Variants in ZNF154 observed in about 807,000 individuals in gnomAD.
ZNF154 encodes zinc finger protein 154.
Under a neutral mutation model 7.5 loss-of-function variants are expected in ZNF154, and 6 were observed. The observed-to-expected ratio is 0.80, with a 90% confidence interval of 0.44 to 1.57. ZNF154 has a LOEUF of 1.57. ZNF154 is among the 40% of genes most tolerant of loss of function. The pLI is 0.01. For synonymous variants in ZNF154, 187 were observed against 185.9 expected (o/e 1.01, Z -0.05); for missense variants, 485 against 531.4 (o/e 0.91, Z 0.86).
chr19:57,702,323 C>G lies in ZNF154; in HGVS notation c.626G>C (p.Arg209Thr). Residue 209 changes from arginine to threonine, a missense_variant, in exon 3 of 3, where the codon AGA becomes ACA. Coordinates refer to ENST00000684351, the MANE Select transcript of ZNF154 (RefSeq NM_001085384.3). ...ATGAGGTCGTACTGCAGTGTGAACT[C>G]TCCGGTGCTGAATGAGACTAGAGCT... ...RQSSSLIQHR[R>T]VHTAVRPHEC... is the part of the protein sequence containing the mutation. 1.9e-6 allele frequency: 3 copies of G among 1,612,774 alleles called. No homozygotes were observed. Among genetic ancestry groups the G allele is most frequent in the Non-Finnish European group, 2.5e-6 (3 of 1,178,866 alleles).
Position 57,709,000 on chromosome 19 carries a change from A to G in ZNF154, c.-29T>C, listed in dbSNP as rs1568463740. On this transcript the variant is annotated 5_prime_UTR_variant, in exon 1 of 3. Coordinates refer to ENST00000684351, the MANE Select transcript of ZNF154 (RefSeq NM_001085384.3). ...ACTCTGCGGGTAGAGCTGGGCCGGG[A>G]GCGACGGGCGACATTGGTAGGGACC... 4 of 1,554,106 alleles carry G rather than the reference A, an allele frequency of 2.6e-6. No homozygotes were observed. Among genetic ancestry groups the G allele is most frequent in the Non-Finnish European group, 3.5e-6 (4 of 1,149,382 alleles).
chr19:57,702,221 C>T lies in ZNF154; in HGVS notation c.728G>A (p.Arg243Lys). ...CCCACATTCACTGCACTCATATGGC[C>T]TTTCCCCAGTGTGAACTCTCCGATG... ...IKHRRVHTGE[R>K]PYECSECGKS... The change falls in exon 3 of 3, where the codon AGG becomes AAG. Residue 243 changes from arginine (R) to lysine (K), a missense_variant. Coordinates refer to ENST00000684351, the MANE Select transcript of ZNF154 (RefSeq NM_001085384.3). 6.2e-7 allele frequency: 1 copy of T among 1,614,150 alleles called. No homozygotes were observed. The highest frequency in any genetic ancestry group is 1.1e-5 in the South Asian group (1 of 91,082).
At position 57,698,028 on chromosome 19, in the gene ZNF154, T is replaced by C. The variant is rs1324436630; in HGVS notation, c.*3607A>G. ...AGTTCCATTATACCTCAAACTACTT[T>C]AAAAAACTACTCAAAATATCCATAA... On this transcript the variant is annotated 3_prime_UTR_variant, in exon 3 of 3. Coordinates refer to ENST00000684351, the MANE Select transcript of ZNF154 (RefSeq NM_001085384.3). The C allele has an allele frequency of 1.3e-5, 2 of 152,014 alleles. No homozygotes were observed. Among genetic ancestry groups the C allele is most frequent in the Admixed American group, 6.6e-5 (1 of 15,258 alleles). 9.4% of individuals were successfully genotyped at this position (152,014 alleles called of 1,614,324 possible).
At chr19:57,704,398 A>G (rs1985303237) in intron 2 of ZNF154, among the ~76,000 whole-genome samples, 1 of 152,176 alleles carries the variant, frequency 6.6e-6, no homozygotes, top group African/African-American at 2.4e-5. Flanking sequence ...ACACACAAAT[A>G]CTACAAAGAA....
rs1282058157 is a variant in ZNF154, at chr19:57,707,113, C to CAA, written c.33+1824_33+1825dup. On this transcript the variant is annotated intron_variant, in intron 1 of 2. Coordinates refer to ENST00000684351, the MANE Select transcript of ZNF154 (RefSeq NM_001085384.3). ...GGGCAACAAGAGAGACACTCCATCTCAAAAAAAAAAAAAAAAAATAGAACA... is the reference window on the plus strand; with the variant it reads ...GGGCAACAAGAGAGACACTCCATCTCAAAAAAAAAAAAAAAAAAAATAGAACA... 7.6e-3 allele frequency among the ~76,000 whole-genome samples: 715 copies of CAA among 94,226 alleles called. 11 individuals are homozygous for CAA. Among genetic ancestry groups the CAA allele is most frequent in the Middle Eastern group, 0.013 (2 of 150 alleles). 61.8% of individuals were successfully genotyped at this position (94,226 alleles called of 152,430 possible).
rs145042395 is a variant in ZNF154, at chr19:57,697,625, C to T, written c.*4010G>A. The T allele has an allele frequency of 3.7e-4, 57 of 152,196 alleles. 2 individuals are homozygous for T. The highest frequency in any genetic ancestry group is 1.3e-3 in the African/African-American group (54 of 41,518). 9.4% of individuals were successfully genotyped at this position (152,196 alleles called of 1,614,324 possible). A position where few individuals can be genotyped will look rare whatever the true frequency, so the allele number is the denominator to read the frequency against. Reference sequence around the variant, plus strand: ...TTGGGGGGTTATAAAAGAGCCTTTACATTTTAAAATTGCATTCTGAAGAGG... The same window carrying T: ...TTGGGGGGTTATAAAAGAGCCTTTATATTTTAAAATTGCATTCTGAAGAGG... On this transcript the variant is annotated 3_prime_UTR_variant, in exon 3 of 3. Coordinates refer to ENST00000684351, the MANE Select transcript of ZNF154 (RefSeq NM_001085384.3).
intron 1 of ZNF154, among the ~76,000 whole-genome samples, chr19:57,706,501 C>T (rs912373886): frequency 1.3e-5 from 2 of 152,248 alleles, no homozygotes; most frequent in African/African-American, 4.8e-5. Context: ...GAATAAACAC[C>T]CTAGGCCCCA....
chr19:57,702,039 TG>T lies in ZNF154; in HGVS notation c.909del (p.Cys303Ter). On this transcript the variant is annotated frameshift_variant, in exon 3 of 3. Coordinates refer to ENST00000684351, the MANE Select transcript of ZNF154 (RefSeq NM_001085384.3). LOFTEE classifies it low-confidence loss of function (END_TRUNC). Reference protein sequence around the residue: ...KVHSGSRPYECSECGKSFSQN... With the variant: ...KVHSGSRPYEXSECGKSFSQN... ...TGGCTAAATGACTTCCCACATTCGC[TG>T]CACTCATAAGGCCTGGATCCACTGT... 6.2e-7 allele frequency: 1 copy of T among 1,614,034 alleles called. No individual in the cohort carries two copies.
chr19:57,704,647 G>A, intron 2 of ZNF154, among the ~76,000 whole-genome samples: 1 of 152,174 alleles, frequency 6.6e-6, no homozygotes, highest in East Asian at 1.9e-4. Flanking sequence ...TTCCCTGTGA[G>A]GCTGTGAGGA....
chr19:57,704,213 G>A (rs1196725666), intron 2 of ZNF154, among the ~76,000 whole-genome samples: 1 of 152,180 alleles, frequency 6.6e-6, no homozygotes, highest in African/African-American at 2.4e-5. Flanking sequence ...AAGGGAAACC[G>A]GAAGTGAGCT....
In ZNF154 at chr19:57,704,946, A is replaced by G. The variant is rs765660360; in HGVS notation, c.67T>C (p.Phe23Leu). The change falls in exon 2 of 3, where the codon TTC becomes CTC. Residue 23 changes from phenylalanine (F) to leucine (L), a missense_variant. Phe to Leu is a conservative substitution (Grantham distance 22). Transcript: ENST00000684351. ...AGGAGACCCCATTCCTCCCAGGAGA[A>G]GTGTACGGCCACATCTTCAAAGGTC... The part of the protein sequence containing the change: ...TVTFEDVAVH[F>L]SWEEWGLLDE... 5 of 1,613,602 alleles carry G rather than the reference A, an allele frequency of 3.1e-6. No homozygotes were observed. The highest frequency in any genetic ancestry group is 1.1e-5 in the South Asian group (1 of 91,026).
At chr19:57,708,814 C>T (rs528808707) in intron 1 of ZNF154, 125 bp downstream of exon 1, 3 of 1,296,214 alleles carry the variant, frequency 2.3e-6, no homozygotes, top group African/African-American at 1.5e-5. Context: ...AAAAAAGGGC[C>T]CCACCCACGA....
intron 1 of ZNF154, among the ~76,000 whole-genome samples, chr19:57,708,654 T>C (rs1175004987): frequency 2.0e-5 from 3 of 152,122 alleles, no homozygotes; most frequent in Admixed American, 2.0e-4. Flanking sequence ...ACAATGACAG[T>C]ACAACCCTAG....
chr19:57,704,790 T>A (rs1985316651), intron 2 of ZNF154, 63 bp downstream of exon 2: 1 of 1,570,418 alleles, frequency 6.4e-7, no homozygotes, highest in African/African-American at 1.4e-5. Context: ...CAGACCTGCC[T>A]ATAGAGAAAA....
At chr19:57,702,819 C>T (rs1437785266) in intron 2 of ZNF154, 31 bp from the exon 3 acceptor site, 2 of 1,569,932 alleles carry the variant, frequency 1.3e-6, no homozygotes, top group Admixed American at 1.7e-5. Flanking sequence ...TTCCCACATG[C>T]CCCACCTCTA....
In ZNF154 at chr19:57,702,502, A is replaced by T. The variant is rs1244238589; in HGVS notation, c.447T>A (p.Val149=). ...CTGTAGTGAGGGTTCTCTGCTGCTG[A>T]ACAAGTGTGTGTTTACCGCTGAATG... ...TKAFSGKHTL[V]QQQRTLTTER... The change falls in exon 3 of 3, where the codon GTT becomes GTA. Residue 149 remains valine, a synonymous_variant. Coordinates refer to ENST00000684351, the MANE Select transcript of ZNF154 (RefSeq NM_001085384.3). 6.2e-7 allele frequency: 1 copy of T among 1,614,212 alleles called. No individual in the cohort carries two copies. Among genetic ancestry groups the T allele is most frequent in the East Asian group, 2.2e-5 (1 of 44,886 alleles).
chr19:57,701,786 C>G lies in ZNF154; in HGVS notation c.1163G>C (p.Ser388Thr). 1 of 1,614,110 alleles carries G rather than the reference C, an allele frequency of 6.2e-7. No individual in the cohort carries two copies. Among genetic ancestry groups the G allele is most frequent in the East Asian group, 2.2e-5 (1 of 44,870 alleles). ...TTGAGTAAAGGATTTCCCACATTCA[C>G]TGCACTCATAGGGTCTTGATCCAGT... ...VHTGSRPYEC[S>T]ECGKSFTQNS... The change falls in exon 3 of 3, where the codon AGT (serine) becomes ACT (threonine). Residue 388 changes from serine to threonine, a missense_variant. Physicochemically the swap from Ser to Thr is moderately conservative, Grantham distance 58. Coordinates refer to ENST00000684351, the MANE Select transcript of ZNF154 (RefSeq NM_001085384.3).
chr19:57,701,972 TC>T lies in ZNF154; in HGVS notation c.976del (p.Glu326LysfsTer148). The T allele has an allele frequency of 6.2e-7, 1 of 1,612,768 alleles. No individual in the cohort carries two copies. The highest frequency in any genetic ancestry group is 1.3e-5 in the African/African-American group (1 of 74,508). Reference sequence around the variant, plus strand: ...ACATTCGCTGCACTTATAAGGCCTTTCTCCAGTGTGAACCCTATGGTGTTCA... The same window carrying T: ...ACATTCGCTGCACTTATAAGGCCTTTTCCAGTGTGAACCCTATGGTGTTCA... ...LIEHHRVHTG[E>X]RPYKCSECGK... On this transcript the variant is annotated frameshift_variant, in exon 3 of 3. Transcript: ENST00000684351. LOFTEE classifies it low-confidence loss of function (END_TRUNC).
chr19:57,699,241 C>A lies in ZNF154; in HGVS notation c.*2394G>T, dbSNP rs1172656390. 1 of 153,974 alleles carries A rather than the reference C, an allele frequency of 6.5e-6. No homozygotes were observed. Among genetic ancestry groups the A allele is most frequent in the Non-Finnish European group, 1.4e-5 (1 of 69,080 alleles). The allele number at this position is 153,974 out of a possible 1,614,324, so 9.5% of individuals were successfully genotyped here. A position where few individuals can be genotyped will look rare whatever the true frequency, so the allele number is the denominator to read the frequency against. ...TAGCTGGGACTACAGGCACATGCCA[C>A]CACGCCCGGCTAATTTTTGTATTTT... On this transcript the variant is annotated 3_prime_UTR_variant, in exon 3 of 3. Transcript: ENST00000684351.
Sources: gnomAD v4.1 joint callset for allele counts (sites outside exome capture counted in the v4.1 genomes callset) on GRCh38, gnomAD v4.1.1 for gene constraint, MANE v1.5 for transcripts, NCBI Gene and HGNC (gene_info 2026-07-23, HGNC 2026-07-21) for gene names.